The following IMMP2L variants were observed in gnomAD, a reference collection of about 807,000 sequenced individuals.
IMMP2L encodes mitochondrial inner membrane protease subunit 2.
IMMP2L carries 18 observed loss-of-function variants against 19.3 expected under a neutral mutation model. That is an observed-to-expected ratio of 0.93 (90% CI 0.64 to 1.38). IMMP2L has a LOEUF of 1.38. Among genes scored for constraint, IMMP2L ranks in the 40% most tolerant of loss-of-function variants. The pLI is 0.00. For synonymous variants in IMMP2L, 76 were observed against 73.0 expected (o/e 1.04, Z -0.21); for missense variants, 233 against 218.2 (o/e 1.07, Z -0.43).
rs1222202485 is a variant in IMMP2L at position 110,952,824 on chromosome 7, A to C, written c.305+10676T>G. On this transcript the variant is annotated intron_variant, in intron 4 of 5. Coordinates refer to ENST00000405709, the MANE Select transcript of IMMP2L (RefSeq NM_032549.4). ...GGTTCTAATATTTCATTTTAGATAT[A>C]GTGAGTTTAATATAAAAAATATTGA... Among the ~76,000 whole-genome samples the C allele has an allele frequency of 2.6e-5, 4 of 152,140 alleles. No individual in the cohort carries two copies. In the East Asian group the frequency reaches 7.7e-4, roughly 29 times the overall value.
intron 3 of IMMP2L, among the ~76,000 whole-genome samples, chr7:111,283,133 T>C (rs376425493): frequency 1.2e-4 from 18 of 152,198 alleles, no homozygotes; most frequent in African/African-American, 3.1e-4. Flanking sequence ...CTGATCACAA[T>C]AGAATAAAAT....
At chr7:111,063,107 C>T (rs1236037121) in intron 3 of IMMP2L, among the ~76,000 whole-genome samples, 1 of 152,228 alleles carries the variant, frequency 6.6e-6, no homozygotes, top group East Asian at 1.9e-4. Flanking sequence ...AGAGCTCCAC[C>T]CCTACAGCAA....
At chr7:111,473,221 CT>C (rs1448355271) in intron 3 of IMMP2L, among the ~76,000 whole-genome samples, 6 of 152,120 alleles carry the variant, frequency 3.9e-5, no homozygotes, top group Non-Finnish European at 8.8e-5. Context: ...GGTGACTATG[CT>C]TCCAAAGAGG....
chr7:111,010,204 T>C (rs13239287), intron 3 of IMMP2L, among the ~76,000 whole-genome samples: 1 of 152,278 alleles, frequency 6.6e-6, no homozygotes, highest in African/African-American at 2.4e-5. Context: ...TTCTTAGTTA[T>C]ATCTCATTTC....
At chr7:111,295,913 T>C (rs567853611) in intron 3 of IMMP2L, among the ~76,000 whole-genome samples, 4 of 148,112 alleles carry the variant, frequency 2.7e-5, no homozygotes, top group Non-Finnish European at 6.0e-5. Context: ...CCTACCACTA[T>C]AAAACTTTCG....
intron 5 of IMMP2L, among the ~76,000 whole-genome samples, chr7:110,730,387 A>T (rs980526363): frequency 1.5e-4 from 23 of 152,206 alleles, no homozygotes; most frequent in Admixed American, 6.5e-5. Flanking sequence ...CAGACTCCAC[A>T]TTCTTCAGCT....
intron 5 of IMMP2L, among the ~76,000 whole-genome samples, chr7:110,753,161 A>G (rs1413031410): frequency 6.6e-6 from 1 of 152,046 alleles, no homozygotes; most frequent in Non-Finnish European, 1.5e-5. Flanking sequence ...TCCAAACTCC[A>G]TTGCTTTTTT....
At chr7:111,487,571 G>A (rs534261164) in intron 2 of IMMP2L, among the ~76,000 whole-genome samples, 17 of 152,252 alleles carry the variant, frequency 1.1e-4, no homozygotes, top group African/African-American at 3.4e-4. Flanking sequence ...TGAAAGGAAC[G>A]TGTGCTAGAC....
At chr7:110,788,866 G>A (rs905513060) in intron 5 of IMMP2L, among the ~76,000 whole-genome samples, 5 of 151,600 alleles carry the variant, frequency 3.3e-5, no homozygotes, top group South Asian at 4.2e-4. Flanking sequence ...CCTTGATTCC[G>A]TGTGAACCTT....
intron 5 of IMMP2L, among the ~76,000 whole-genome samples, chr7:110,798,589 C>A (rs1285293209): frequency 2.6e-5 from 4 of 151,780 alleles, no homozygotes; most frequent in South Asian, 2.1e-4. Context: ...AAACGTTATA[C>A]CAATTTGTAA....
At chr7:110,962,345 A>G (rs1397532309) in intron 4 of IMMP2L, 2 of 152,056 alleles carry the variant, frequency 1.3e-5, no homozygotes, top group African/African-American at 4.8e-5. Flanking sequence ...AATTTAAAAT[A>G]CCAATAATAA....
chr7:110,846,348 C>CTTTTT (rs919194286), intron 5 of IMMP2L, among the ~76,000 whole-genome samples: 28 of 126,400 alleles, frequency 2.2e-4, no homozygotes, highest in African/African-American at 3.9e-4. Flanking sequence ...ACCCTGATTT[C>CTTTTT]TTTTTTTTTT....
intron 3 of IMMP2L, among the ~76,000 whole-genome samples, chr7:111,025,242 C>A (rs1046344914): frequency 6.6e-6 from 1 of 152,192 alleles, no homozygotes; most frequent in Admixed American, 6.5e-5. Flanking sequence ...ACCACTTAAT[C>A]TCTCTGAGAT....
intron 5 of IMMP2L, among the ~76,000 whole-genome samples, chr7:110,666,335 C>T (rs1237892393): frequency 4.6e-5 from 7 of 152,208 alleles, no homozygotes; most frequent in Middle Eastern, 3.4e-3. Flanking sequence ...AGTGCAGTGG[C>T]GCAATCTCAG....
chr7:110,849,519 C>A (rs1357422066), intron 5 of IMMP2L, among the ~76,000 whole-genome samples: 1 of 152,032 alleles, frequency 6.6e-6, no homozygotes, highest in Non-Finnish European at 1.5e-5. Flanking sequence ...GAAAAATTCA[C>A]AGACGAAATA....
intron 3 of IMMP2L, among the ~76,000 whole-genome samples, chr7:111,302,144 C>A (rs1295524895): frequency 6.6e-6 from 1 of 151,834 alleles, no homozygotes. Context: ...AATGCCCTTG[C>A]CCCAGATTTC....
chr7:111,507,708 C>T (rs1178444204), intron 2 of IMMP2L, among the ~76,000 whole-genome samples: 1 of 152,100 alleles, frequency 6.6e-6, no homozygotes, highest in Non-Finnish European at 1.5e-5. Flanking sequence ...TGCTTCATAA[C>T]AAACCACTCC....
chr7:111,516,977 C>A (rs1056656050), intron 2 of IMMP2L, among the ~76,000 whole-genome samples: 2 of 152,074 alleles, frequency 1.3e-5, no homozygotes, highest in Non-Finnish European at 2.9e-5. Flanking sequence ...AACTCCATAA[C>A]TCTATCTTAA....
At chr7:110,744,990 A>G (rs954784594) in intron 5 of IMMP2L, among the ~76,000 whole-genome samples, 2 of 152,232 alleles carry the variant, frequency 1.3e-5, no homozygotes, top group Non-Finnish European at 2.9e-5. Flanking sequence ...AATGTAAGGA[A>G]GTTAAAAACC....
Sources: allele counts gnomAD v4.1 joint callset (sites outside exome capture counted in the v4.1 genomes callset), GRCh38; gene constraint gnomAD v4.1.1; transcripts MANE v1.5; gene names NCBI Gene and HGNC (gene_info 2026-07-23, HGNC 2026-07-21).